Variants in TUBA3D observed in about 807,000 individuals in gnomAD.
The protein encoded by TUBA3D is tubulin alpha 3d.
Under a neutral mutation model 36.1 loss-of-function variants are expected in TUBA3D, and 24 were observed. That is an observed-to-expected ratio of 0.66 (90% CI 0.48 to 0.93). TUBA3D has a LOEUF of 0.93. TUBA3D is among the 40% of genes least tolerant of loss of function. TUBA3D has a pLI of 0.00. For synonymous variants in TUBA3D, 185 were observed against 247.2 expected, an observed-to-expected ratio of 0.75 and a Z score of 2.36; for missense variants, 356 against 614.5, an observed-to-expected ratio of 0.58 and a Z score of 4.45.
Position 131,480,704 on chromosome 2 carries a change from C to T in TUBA3D, c.1011C>T (p.Thr337=). 2 of 1,612,940 alleles carry T rather than the reference C, an allele frequency of 1.2e-6. No individual in the cohort carries two copies. Among genetic ancestry groups the T allele is most frequent in the Non-Finnish European group, 1.7e-6 (2 of 1,179,614 alleles). ...DVNAAIATIK[T]KRTIQFVDWC... is the part of the protein sequence containing the mutation. ...ACGCGGCCATCGCCACCATCAAGAC[C>T]AAGCGCACCATCCAGTTTGTGGATT... is the stretch of plus-strand genomic sequence containing the variant. Residue 337 remains threonine (T), a synonymous_variant, in exon 4 of 5, where the codon ACC becomes ACT. Coordinates refer to ENST00000321253, the MANE Select transcript of TUBA3D (RefSeq NM_080386.4).
At position 131,481,721 on chromosome 2, in the gene TUBA3D, C is replaced by T. The variant is rs537677013; in HGVS notation, c.1057-831C>T. 2.0e-5 allele frequency among the ~76,000 whole-genome samples: 3 copies of T among 152,320 alleles called. No homozygotes were observed. The South Asian group carries it at 6.2e-4, about 32-fold the overall frequency. ...AGTGCTGGATTACAGGCACGAGCCA[C>T]TGCACCCAGCTAATATTTGTATTTT... is the stretch of plus-strand genomic sequence containing the variant. On this transcript the variant is annotated intron_variant, in intron 4 of 4. Coordinates refer to ENST00000321253, the MANE Select transcript of TUBA3D (RefSeq NM_080386.4).
In TUBA3D at chr2:131,478,273, G is replaced by A; in HGVS notation, c.113G>A (p.Ser38Asn). Residue 38 changes from serine to asparagine, a missense_variant, in exon 2 of 5, where the codon AGT becomes AAT. Ser to Asn is a conservative substitution (Grantham distance 46). Coordinates refer to ENST00000321253, the MANE Select transcript of TUBA3D (RefSeq NM_080386.4). ...HGIQPDGQMP[S>N]DKTIGGGDDS... ...ATTCAGCCCGATGGCCAAATGCCAA[G>A]TGATAAAACCATTGGTGGCGGGGAC... 2 of 1,614,072 alleles carry A rather than the reference G, an allele frequency of 1.2e-6. No individual in the cohort carries two copies. Among genetic ancestry groups the A allele is most frequent in the Non-Finnish European group, 1.7e-6 (2 of 1,179,918 alleles).
chr2:131,482,680 C>T lies in TUBA3D; in HGVS notation c.1185C>T (p.Phe395=), dbSNP rs753379663. 6.2e-6 allele frequency: 10 copies of T among 1,614,054 alleles called. No homozygotes were observed. The highest frequency in any genetic ancestry group is 6.8e-6 in the Non-Finnish European group (8 of 1,180,044). The change falls in exon 5 of 5, where the codon TTC becomes TTT. Residue 395 remains phenylalanine, a synonymous_variant. Transcript: ENST00000321253. ...CCTGGGCCCGCCTGGACCATAAGTT[C>T]GATCTCATGTATGCCAAGCGGGCCT... ...AEAWARLDHK[F]DLMYAKRAFV...
Position 131,478,155 on chromosome 2 carries a change from T to G in TUBA3D, c.4-9T>G, listed in dbSNP as rs2695519. ...ATGAATGGGTTCACTTTTATGTTCC[T>G]GTTCACAGCGCGAGTGTATCTCTAT... On this transcript the variant is annotated splice_polypyrimidine_tract_variant and intron_variant, in intron 1 of 4. Coordinates refer to ENST00000321253, the MANE Select transcript of TUBA3D (RefSeq NM_080386.4). The G allele has an allele frequency of 2.2e-3, 3,480 of 1,609,860 alleles. 73 individuals carry two copies. The African/African-American group carries it at 0.039, about 18-fold the overall frequency.
rs780414369 is a variant in TUBA3D at position 131,478,259 on chromosome 2, T to C, written c.99T>C (p.Asp33=). The C allele has an allele frequency of 3.7e-6, 6 of 1,614,076 alleles. No individual in the cohort carries two copies. The South Asian group carries it at 4.4e-5, about 12-fold the overall frequency. The change falls in exon 2 of 5, where the codon GAT becomes GAC. Residue 33 remains aspartate, a synonymous_variant. Transcript: ENST00000321253. Reference sequence around the variant, plus strand: ...GCCTTGAACATGGAATTCAGCCCGATGGCCAAATGCCAAGTGATAAAACCA... The same window carrying C: ...GCCTTGAACATGGAATTCAGCCCGACGGCCAAATGCCAAGTGATAAAACCA... The part of the protein sequence containing the change: ...LYCLEHGIQP[D]GQMPSDKTIG...
At chr2:131,476,533 A>G (rs1005677070) in intron 1 of TUBA3D, among the ~76,000 whole-genome samples, 10 of 152,150 alleles carry the variant, frequency 6.6e-5, no homozygotes, top group Non-Finnish European at 1.0e-4. Context: ...ACTCGAAACA[A>G]CTGAGGAGCC....
intron 1 of TUBA3D, 91 bp from the exon 2 acceptor site, chr2:131,478,073 T>C: frequency 6.6e-7 from 1 of 1,510,858 alleles, no homozygotes; most frequent in Admixed American, 2.0e-5. Flanking sequence ...ACTGAAGCAG[T>C]ATATAAATAT....
intron 3 of TUBA3D, among the ~76,000 whole-genome samples, chr2:131,479,811 G>A (rs397834618): frequency 2.0e-5 from 3 of 152,242 alleles, no homozygotes; most frequent in Admixed American, 1.3e-4. Context: ...CTGCACTCTA[G>A]CCTGGGAAAC....
At chr2:131,479,999 G>A in intron 3 of TUBA3D, 70 bp from the exon 4 acceptor site, 1 of 1,514,944 alleles carries the variant, frequency 6.6e-7, no homozygotes, top group Non-Finnish European at 8.8e-7. Flanking sequence ...AAGAGAAGCG[G>A]CCCTGGCTTG....
Position 131,478,220 on chromosome 2 carries a change from C to A in TUBA3D, c.60C>A (p.Cys20Ter). 6.2e-7 allele frequency: 1 copy of A among 1,614,110 alleles called. No homozygotes were observed. Among genetic ancestry groups the A allele is most frequent in the Non-Finnish European group, 8.5e-7 (1 of 1,179,944 alleles). The change falls in exon 2 of 5, where the codon TGC becomes TGA. Residue 20 changes from cysteine (C) to a stop codon, truncating the protein, a stop_gained. Transcript: ENST00000321253. LOFTEE classifies it high-confidence loss of function. ...CGGGTGTCCAGATCGGCAATGCCTG[C>A]TGGGAACTGTACTGCCTTGAACATG... ...GQAGVQIGNA[C>*]WELYCLEHGI...
In TUBA3D at chr2:131,476,126, A is replaced by C; in HGVS notation, c.-74A>C. ...GCGGCGCGCACAGGCAGGAGGTTGCAGTTGGGCGCTCAGCAGCTGTGGCAG... is the reference window on the plus strand; with the variant it reads ...GCGGCGCGCACAGGCAGGAGGTTGCCGTTGGGCGCTCAGCAGCTGTGGCAG... On this transcript the variant is annotated 5_prime_UTR_variant, in exon 1 of 5. Transcript: ENST00000321253. The C allele has an allele frequency of 2.5e-6, 4 of 1,611,652 alleles. No individual in the cohort carries two copies. Among genetic ancestry groups the C allele is most frequent in the Non-Finnish European group, 8.5e-7 (1 of 1,179,240 alleles).
chr2:131,476,292 G>C, intron 1 of TUBA3D, 90 bp downstream of exon 1: 2 of 1,600,338 alleles, frequency 1.2e-6, no homozygotes, highest in Non-Finnish European at 1.7e-6. Flanking sequence ...GGGCCTGGGC[G>C]CTGAGAGGAG....
Position 131,480,739 on chromosome 2 carries a change from C to T in TUBA3D, c.1046C>T (p.Thr349Ile). The change falls in exon 4 of 5, where the codon ACT becomes ATT. Residue 349 changes from threonine to isoleucine, a missense_variant. By Grantham distance (89) the Thr-to-Ile change is moderately conservative. This residue lies in a region of TUBA3D where 156 missense variants were observed against 219.8 expected (regional missense o/e 0.71). Coordinates refer to ENST00000321253, the MANE Select transcript of TUBA3D (RefSeq NM_080386.4). The part of the protein sequence containing the change: ...RTIQFVDWCP[T>I]GFKVGINYQP... The stretch of plus-strand genomic sequence containing the variant: ...ATCCAGTTTGTGGATTGGTGCCCGA[C>T]TGGATTTAAGGTATGACTGGGTGAT... 1 of 1,611,136 alleles carries T rather than the reference C, an allele frequency of 6.2e-7. No individual in the cohort carries two copies. The highest frequency in any genetic ancestry group is 1.3e-5 in the African/African-American group (1 of 74,700).
chr2:131,477,183 G>A (rs1279307514), intron 1 of TUBA3D, among the ~76,000 whole-genome samples: 3 of 151,610 alleles, frequency 2.0e-5, no homozygotes, highest in Admixed American at 6.6e-5. Flanking sequence ...TACTACAGGT[G>A]TGTGCCACCA....
chr2:131,477,260 A>G (rs1351600679), intron 1 of TUBA3D, among the ~76,000 whole-genome samples: 4 of 151,572 alleles, frequency 2.6e-5, no homozygotes, highest in Non-Finnish European at 5.9e-5. Flanking sequence ...CTGGTCTCAA[A>G]CTGGTCCCAA....
Position 131,480,483 on chromosome 2 carries a change from C to G in TUBA3D, c.790C>G (p.Arg264Gly), listed in dbSNP as rs149332264. Residue 264 changes from arginine to glycine, a missense_variant, in exon 4 of 5, where the codon CGC (arginine) becomes GGC (glycine). Arg to Gly is a moderately radical substitution (Grantham distance 125, BLOSUM62 -2). Transcript: ENST00000321253. Reference protein sequence around the residue: ...EFQTNLVPYPRIHFPLATYAP... With the variant: ...EFQTNLVPYPGIHFPLATYAP... ...CCAGACCAACCTAGTGCCGTACCCC[C>G]GCATCCACTTCCCCCTGGCCACCTA... 1.9e-6 allele frequency: 3 copies of G among 1,589,474 alleles called. No homozygotes were observed. Among genetic ancestry groups the G allele is most frequent in the South Asian group, 2.2e-5 (2 of 90,452 alleles).
At chr2:131,481,463 T>C (rs1373025400) in intron 4 of TUBA3D, among the ~76,000 whole-genome samples, 2 of 141,360 alleles carry the variant, frequency 1.4e-5, no homozygotes, top group Admixed American at 7.2e-5. Flanking sequence ...TGAGACAGAG[T>C]CTTGCTCTGT....
At chr2:131,480,799 A>G (rs764346577) in intron 4 of TUBA3D, 50 bp downstream of exon 4, 2 of 1,581,294 alleles carry the variant, frequency 1.3e-6, no homozygotes, top group South Asian at 2.3e-5. Flanking sequence ...GATGCACAAA[A>G]TAACACTGGC....
intron 1 of TUBA3D, 44 bp downstream of exon 1, chr2:131,476,246 G>A (rs570202778): frequency 5.0e-6 from 8 of 1,613,626 alleles, no homozygotes; most frequent in Admixed American, 1.7e-5. Flanking sequence ...CCAGGCAGAC[G>A]AAGTTGGCCT....
Sources: allele counts gnomAD v4.1 joint callset (sites outside exome capture counted in the v4.1 genomes callset), GRCh38; gene constraint gnomAD v4.1.1; regional missense constraint gnomAD v4.1.1; transcripts MANE v1.5; gene names NCBI Gene and HGNC (gene_info 2026-07-23, HGNC 2026-07-21).